AOX1: variants seen among roughly 807,000 people sequenced by gnomAD.
The protein encoded by AOX1 is aldehyde oxidase 1, also known as aldehyde oxidase.
A neutral mutation model predicts 169.5 loss-of-function variants in AOX1; 153 were observed. The observed-to-expected ratio is 0.90, with a 90% confidence interval of 0.79 to 1.03. AOX1 has a LOEUF of 1.03. Among genes scored for constraint, AOX1 ranks in the 50% least tolerant of loss-of-function variants. The pLI is 0.00. For synonymous variants in AOX1, 562 were observed against 581.9 expected (o/e 0.97, Z 0.49); for missense variants, 1,656 against 1,663.9 (o/e 1.00, Z 0.08).
rs2034870024 is a variant in AOX1 at position 200,620,788 on chromosome 2, G to C, written c.1843G>C (p.Val615Leu). The part of the protein sequence containing the change: ...LVDQELFLTF[V>L]TSSRAHAKIV... ...GGACCAGGAACTTTTCTTGACTTTT[G>C]TGACTAGTTCAAGAGCTCATGCTAA... The change falls in exon 17 of 35, where the codon GTG (valine) becomes CTG (leucine). Residue 615 changes from valine (V) to leucine (L), a missense_variant. Val to Leu is a conservative substitution (Grantham distance 32). Transcript: ENST00000374700. 1 of 1,606,190 alleles carries C rather than the reference G, an allele frequency of 6.2e-7. No homozygotes were observed. The highest frequency in any genetic ancestry group is 8.5e-7 in the Non-Finnish European group (1 of 1,177,968).
chr2:200,638,309 A>G lies in AOX1; in HGVS notation c.2568+7A>G. The G allele has an allele frequency of 6.2e-7, 1 of 1,612,294 alleles. No homozygotes were observed. Among genetic ancestry groups the G allele is most frequent in the Non-Finnish European group, 8.5e-7 (1 of 1,178,486 alleles). On this transcript the variant is annotated splice_region_variant and intron_variant, in intron 23 of 34. Transcript: ENST00000374700. Reference sequence around the variant, plus strand: ...TTACCTTGGAAAGTACAAAGTGAGTACAAGAGGGCATGGAGGAAGGATTTA... The same window carrying G: ...TTACCTTGGAAAGTACAAAGTGAGTGCAAGAGGGCATGGAGGAAGGATTTA...
intron 1 of AOX1, among the ~76,000 whole-genome samples, chr2:200,592,243 G>T (rs2106364799): frequency 6.6e-6 from 1 of 152,268 alleles, no homozygotes; most frequent in Middle Eastern, 3.4e-3. Context: ...TTGGCAATTG[G>T]CATATGCCAC....
At chr2:200,637,639 GTA>G (rs1166812431) in intron 22 of AOX1, among the ~76,000 whole-genome samples, 6 of 151,882 alleles carry the variant, frequency 4.0e-5, no homozygotes, top group Non-Finnish European at 5.9e-5. Flanking sequence ...GTGTGTATAT[GTA>G]TATTTTCTTG....
At chr2:200,624,073 G>T (rs1574931625) in intron 19 of AOX1, 90 bp downstream of exon 19, 1 of 1,530,574 alleles carries the variant, frequency 6.5e-7, no homozygotes, top group Non-Finnish European at 9.0e-7. Flanking sequence ...GGAAAATGTG[G>T]CTCAAAGTGG....
intron 26 of AOX1, among the ~76,000 whole-genome samples, chr2:200,654,394 A>G (rs960369983): frequency 2.0e-5 from 3 of 152,220 alleles, no homozygotes; most frequent in Non-Finnish European, 2.9e-5. Flanking sequence ...AGTATTTTAA[A>G]ACTAAAATAT....
chr2:200,616,988 C>G (rs1370627112), intron 16 of AOX1, among the ~76,000 whole-genome samples: 1 of 152,188 alleles, frequency 6.6e-6, no homozygotes, highest in East Asian at 1.9e-4. Flanking sequence ...TTAAAAACAG[C>G]TGCCATCTCC....
chr2:200,594,378 T>C (rs1158971660), intron 2 of AOX1, among the ~76,000 whole-genome samples: 1 of 152,106 alleles, frequency 6.6e-6, no homozygotes, highest in Non-Finnish European at 1.5e-5. Context: ...CCCTCTGTGT[T>C]GAAGGGAGGT....
chr2:200,605,322 A>G (rs2034492504), intron 9 of AOX1, among the ~76,000 whole-genome samples: 1 of 152,194 alleles, frequency 6.6e-6, no homozygotes, highest in African/African-American at 2.4e-5. Flanking sequence ...ATATGGCCCA[A>G]GTTTCAAGGT....
In AOX1 at chr2:200,620,773, C is replaced by G; in HGVS notation, c.1828C>G (p.Leu610Val). Residue 610 changes from leucine (L) to valine (V), a missense_variant, in exon 17 of 35, where the codon CTT becomes GTT. By Grantham distance (32) the Leu-to-Val change is conservative. Transcript: ENST00000374700. Reference sequence around the variant, plus strand: ...TGACATGCCTCTGGTGGACCAGGAACTTTTCTTGACTTTTGTGACTAGTTC... The same window carrying G: ...TGACATGCCTCTGGTGGACCAGGAAGTTTTCTTGACTTTTGTGACTAGTTC... ...CDDMPLVDQE[L>V]FLTFVTSSRA... The G allele has an allele frequency of 6.2e-7, 1 of 1,606,322 alleles. No homozygotes were observed. The highest frequency in any genetic ancestry group is 8.5e-7 in the Non-Finnish European group (1 of 1,177,916).
intron 23 of AOX1, among the ~76,000 whole-genome samples, chr2:200,639,614 G>C (rs546068799): frequency 6.6e-6 from 1 of 152,082 alleles, no homozygotes; most frequent in African/African-American, 2.4e-5. Context: ...TCCTGAAGGA[G>C]ATTTTTTTTA....
chr2:200,627,038 A>G (rs914834506), intron 19 of AOX1, among the ~76,000 whole-genome samples: 1 of 152,274 alleles, frequency 6.6e-6, no homozygotes, highest in Admixed American at 6.5e-5. Flanking sequence ...CCTTGGCTAC[A>G]TGAAATGGAT....
intron 2 of AOX1, among the ~76,000 whole-genome samples, chr2:200,593,557 T>C (rs1443490158): frequency 2.6e-5 from 4 of 152,134 alleles, no homozygotes; most frequent in Non-Finnish European, 5.9e-5. Context: ...AGCACAGAAG[T>C]CACCTGAAAT....
In AOX1 at chr2:200,642,905, T is replaced by A. The variant is rs1051342577; in HGVS notation, c.2847+104T>A. 1.5e-5 allele frequency: 17 copies of A among 1,151,050 alleles called. No homozygotes were observed. The Admixed American group carries it at 4.3e-4, about 29-fold the overall frequency. The allele number at this position is 1,151,050 out of a possible 1,614,324, so 71.3% of individuals were successfully genotyped here. A position where few individuals can be genotyped will look rare whatever the true frequency, so the allele number is the denominator to read the frequency against. ...GGAATTTGAGACCCAGAGGGGCAAA[T>A]GATTTGTGCCAAGTCCCCCAGCTAA... On this transcript the variant is annotated intron_variant, in intron 25 of 34. Coordinates refer to ENST00000374700, the MANE Select transcript of AOX1 (RefSeq NM_001159.4).
intron 16 of AOX1, among the ~76,000 whole-genome samples, chr2:200,618,608 C>A (rs2034817939): frequency 6.6e-6 from 1 of 152,150 alleles, no homozygotes; most frequent in Admixed American, 6.5e-5. Context: ...TCCTGATATT[C>A]CAGCCCTGCC....
In AOX1 at chr2:200,586,249, G is replaced by GT; in HGVS notation, c.45+99dup. 4 of 1,307,782 alleles carry GT rather than the reference G, an allele frequency of 3.1e-6. No homozygotes were observed. In the South Asian group the frequency reaches 5.9e-5, roughly 19 times the overall value. The allele number at this position is 1,307,782 out of a possible 1,614,324, so 81.0% of individuals were successfully genotyped here. Reference sequence around the variant, plus strand: ...TTCGTCCCATCCTTTCGTGCCCGCCGTTTAAGGCACTCAGGCACGGACTGG... The same window carrying GT: ...TTCGTCCCATCCTTTCGTGCCCGCCGTTTTAAGGCACTCAGGCACGGACTGG... On this transcript the variant is annotated intron_variant, in intron 1 of 34. Coordinates refer to ENST00000374700, the MANE Select transcript of AOX1 (RefSeq NM_001159.4).
At chr2:200,627,145 T>C (rs535145018) in intron 19 of AOX1, among the ~76,000 whole-genome samples, 7 of 152,344 alleles carry the variant, frequency 4.6e-5, no homozygotes, top group African/African-American at 1.7e-4. Context: ...TTCTTCAGAC[T>C]CAGTAGGCAC....
At chr2:200,627,546 G>C in intron 20 of AOX1, 97 bp downstream of exon 20, 10 of 837,458 alleles carry the variant, frequency 1.2e-5, no homozygotes, top group South Asian at 4.7e-5. Context: ...GCAGCCTAGG[G>C]GGGTGTTGCT....
rs75968877 is a variant in AOX1, at chr2:200,666,031, C to T, written c.3544-656C>T. On this transcript the variant is annotated intron_variant, in intron 31 of 34. Coordinates refer to ENST00000374700, the MANE Select transcript of AOX1 (RefSeq NM_001159.4). ...GTAATTATAAGAACAATCTGTTAGT[C>T]ATGGCAGAGACCATTATATCACATT... Among the ~76,000 whole-genome samples, 778 of 152,284 alleles carry T rather than the reference C, an allele frequency of 5.1e-3. 11 individuals are homozygous for T. Among genetic ancestry groups the T allele is most frequent in the Non-Finnish European group, 5.7e-3 (388 of 68,030 alleles).
Position 200,670,803 on chromosome 2 carries a change from G to A in AOX1, c.*124G>A. The A allele has an allele frequency of 2.7e-6, 2 of 732,382 alleles. No homozygotes were observed. Among genetic ancestry groups the A allele is most frequent in the Non-Finnish European group, 4.5e-6 (2 of 440,230 alleles). The allele number at this position is 732,382 out of a possible 1,614,324, so 45.4% of individuals were successfully genotyped here. On this transcript the variant is annotated 3_prime_UTR_variant, in exon 35 of 35. Coordinates refer to ENST00000374700, the MANE Select transcript of AOX1 (RefSeq NM_001159.4). ...TCCACAGTTCAGAAATCATCCCACA[G>A]TGTTGCTTTTCTATGGAGCTGATTT...
Sources: allele counts gnomAD v4.1 joint callset (sites outside exome capture counted in the v4.1 genomes callset), GRCh38; gene constraint gnomAD v4.1.1; transcripts MANE v1.5; gene names NCBI Gene and HGNC (gene_info 2026-07-23, HGNC 2026-07-21).